Variants in TARBP1 observed in about 807,000 individuals in gnomAD.
TARBP1 encodes tRNA guanosine 2 -O-methyltransferase TARBP1.
In TARBP1, 144 loss-of-function variants were observed where a neutral mutation model predicts 178.6. That is an observed-to-expected ratio of 0.81 (90% CI 0.70 to 0.93). TARBP1 has a LOEUF of 0.93. Ranked by LOEUF, TARBP1 falls within the 40% of genes least tolerant of loss-of-function variation. The pLI, the probability that TARBP1 is intolerant of heterozygous loss-of-function variation, is 0.00. For synonymous variants in TARBP1, 787 were observed against 781.0 expected (o/e 1.01, Z -0.13); for missense variants, 2,067 against 2,011.7 (o/e 1.03, Z -0.53).
At chr1:234,449,263 G>A (rs1305886696) in intron 10 of TARBP1, among the ~76,000 whole-genome samples, 2 of 152,236 alleles carry the variant, frequency 1.3e-5, no homozygotes, top group Non-Finnish European at 2.9e-5. Context: ...GGAAGCCACT[G>A]AAGGTTAAAG....
chr1:234,445,357 C>G (rs144664439), intron 12 of TARBP1, among the ~76,000 whole-genome samples: 2 of 152,320 alleles, frequency 1.3e-5, no homozygotes, highest in African/African-American at 4.8e-5. Context: ...AGACTCATGA[C>G]TTTAAATACC....
chr1:234,465,101 TGGC>T (rs1407196200), intron 5 of TARBP1, among the ~76,000 whole-genome samples: 5 of 149,458 alleles, frequency 3.3e-5, no homozygotes, highest in African/African-American at 1.3e-4. Flanking sequence ...GATGGATGGA[TGGC>T]GGACAGACAG....
intron 6 of TARBP1, among the ~76,000 whole-genome samples, chr1:234,463,061 A>G (rs1668049764): frequency 6.6e-6 from 1 of 152,150 alleles, no homozygotes; most frequent in Admixed American, 6.5e-5. Flanking sequence ...AATGAACACT[A>G]CATCTCCAAC....
At chr1:234,427,827 TA>T in intron 17 of TARBP1, 61 bp from the exon 18 acceptor site, 1 of 1,196,336 alleles carries the variant, frequency 8.4e-7, no homozygotes, top group South Asian at 2.5e-5. Context: ...TCAGTGCTGC[TA>T]AAAACTGTTA....
intron 24 of TARBP1, 55 bp from the exon 25 acceptor site, chr1:234,401,317 G>A (rs1660658126): frequency 7.4e-7 from 1 of 1,359,898 alleles, no homozygotes; most frequent in Admixed American, 1.8e-5. Flanking sequence ...CTCTGGTGAG[G>A]GGAGAATCAA....
In TARBP1 at chr1:234,433,554, A is replaced by G. The variant is rs1664696142; in HGVS notation, c.2250T>C (p.Arg750=). The change falls in exon 14 of 30, where the codon CGT becomes CGC. Residue 750 remains arginine (R), a synonymous_variant. Transcript: ENST00000040877. ...NELNSVSDLD[R]CHLYLMVLTE... is the part of the protein sequence containing the mutation. ...TTAACACCATCAGGTATAAATGGCA[A>G]CGATCCAGATCTGAAACCTAAGACA... The G allele has an allele frequency of 6.2e-7, 1 of 1,612,660 alleles. No individual in the cohort carries two copies. Among genetic ancestry groups the G allele is most frequent in the African/African-American group, 1.3e-5 (1 of 74,814 alleles).
intron 6 of TARBP1, among the ~76,000 whole-genome samples, chr1:234,461,554 A>C (rs1667860925): frequency 6.6e-6 from 1 of 152,072 alleles, no homozygotes; most frequent in South Asian, 2.1e-4. Context: ...TGATCTGCCC[A>C]CCTCAGCCTC....
At chr1:234,462,202 A>G (rs906066291) in intron 6 of TARBP1, among the ~76,000 whole-genome samples, 9 of 152,208 alleles carry the variant, frequency 5.9e-5, no homozygotes, top group African/African-American at 2.2e-4. Flanking sequence ...TCGATTCAAC[A>G]TATTTACCAA....
Position 234,430,301 on chromosome 1 carries a change from C to T in TARBP1, c.2395G>A (p.Glu799Lys), listed in dbSNP as rs765197259. The T allele has an allele frequency of 6.2e-7, 1 of 1,612,842 alleles. No individual in the cohort carries two copies. Among genetic ancestry groups the T allele is most frequent in the Non-Finnish European group, 8.5e-7 (1 of 1,179,696 alleles). The change falls in exon 15 of 30, where the codon GAG becomes AAG. Residue 799 changes from glutamate to lysine, a missense_variant and splice_region_variant. Transcript: ENST00000040877. ...QHLQEMDSGQEPTVGSQIQRV... is the reference protein window; with the variant it reads ...QHLQEMDSGQKPTVGSQIQRV... ...TGAATCTGACTTCCAACTGTTGGCT[C>T]CTGAAAAGGAAATGTGACAATGTTT...
At chr1:234,435,680 T>C (rs1249543641) in intron 13 of TARBP1, among the ~76,000 whole-genome samples, 1 of 152,124 alleles carries the variant, frequency 6.6e-6, no homozygotes, top group Non-Finnish European at 1.5e-5. Context: ...TGAATTCAGG[T>C]GTGGTTGAGC....
At chr1:234,417,727 T>G (rs1223027424) in intron 22 of TARBP1, among the ~76,000 whole-genome samples, 2 of 152,244 alleles carry the variant, frequency 1.3e-5, no homozygotes, top group African/African-American at 2.4e-5. Context: ...AACCTTTTTT[T>G]CAATTTTAAG....
At chr1:234,453,580 C>A (rs894952716) in intron 9 of TARBP1, among the ~76,000 whole-genome samples, 4 of 151,844 alleles carry the variant, frequency 2.6e-5, no homozygotes, top group African/African-American at 9.7e-5. Context: ...TTAGGGTGAG[C>A]TACATGAAAA....
In TARBP1 at chr1:234,478,502, T is replaced by C; in HGVS notation, c.602A>G (p.Gln201Arg). Residue 201 changes from glutamine to arginine, a missense_variant, in exon 1 of 30, where the codon CAA becomes CGA. Physicochemically the swap from Gln to Arg is conservative, Grantham distance 43. Transcript: ENST00000040877. ...GGCCCGCAGCGCCGCCCCGCCACAT[T>C]GGACCAGCACTGGCAGCAGTCGCCC... Reference protein sequence around the residue: ...VAGRLLPVLVQCGGAALRAVW... With the variant: ...VAGRLLPVLVRCGGAALRAVW... The C allele has an allele frequency of 1.4e-6, 2 of 1,393,768 alleles. No individual in the cohort carries two copies. The highest frequency in any genetic ancestry group is 1.9e-6 in the Non-Finnish European group (2 of 1,071,102). 86.3% of individuals were successfully genotyped at this position (1,393,768 alleles called of 1,614,324 possible).
chr1:234,479,119 G>T lies in TARBP1; in HGVS notation c.-16C>A. 1 of 1,520,970 alleles carries T rather than the reference G, an allele frequency of 6.6e-7. No homozygotes were observed. Among genetic ancestry groups the T allele is most frequent in the South Asian group, 1.2e-5 (1 of 82,826 alleles). The allele number at this position is 1,520,970 out of a possible 1,614,324, so 94.2% of individuals were successfully genotyped here. A position where few individuals can be genotyped will look rare whatever the true frequency, so the allele number is the denominator to read the frequency against. ...CCCACTCCATTTGCCGAGCGCCCGCGCCACCGGCCCGGGCTCCCAAAGGAA... is the reference window on the plus strand; with the variant it reads ...CCCACTCCATTTGCCGAGCGCCCGCTCCACCGGCCCGGGCTCCCAAAGGAA... On this transcript the variant is annotated 5_prime_UTR_variant, in exon 1 of 30. Transcript: ENST00000040877.
At position 234,474,288 on chromosome 1, in the gene TARBP1, A is replaced by AC. The variant is rs1558264943; in HGVS notation, c.932-1478_932-1477insG. The stretch of plus-strand genomic sequence containing the variant: ...CACACACACACACACACACACACAC[A>AC]AAGGGGACATTTAAAAAAAAAAACT... On this transcript the variant is annotated intron_variant, in intron 1 of 29. Coordinates refer to ENST00000040877, the MANE Select transcript of TARBP1 (RefSeq NM_005646.4). Among the ~76,000 whole-genome samples, 168 of 143,114 alleles carry AC rather than the reference A, an allele frequency of 1.2e-3. 1 individual carries two copies. The highest frequency in any genetic ancestry group is 7.0e-3 in the Middle Eastern group (2 of 284). 93.9% of individuals were successfully genotyped at this position (143,114 alleles called of 152,430 possible). A position where few individuals can be genotyped will look rare whatever the true frequency, so the allele number is the denominator to read the frequency against.
Position 234,478,948 on chromosome 1 carries a change from C to G in TARBP1, c.156G>C (p.Gly52=). ...CCGCCTCCGGGAGCGCGCCTGCGCCCCCGCTGCCGCGCGCCTCCTCGTCCT... is the reference window on the plus strand; with the variant it reads ...CCGCCTCCGGGAGCGCGCCTGCGCCGCCGCTGCCGCGCGCCTCCTCGTCCT... The part of the protein sequence containing the change: ...RLEDEEARGS[G]GAGALPEAAR... The change falls in exon 1 of 30, where the codon GGG becomes GGC. Residue 52 remains glycine (G), a synonymous_variant. Transcript: ENST00000040877. 6.9e-7 allele frequency: 1 copy of G among 1,453,892 alleles called. No homozygotes were observed. Among genetic ancestry groups the G allele is most frequent in the Non-Finnish European group, 9.0e-7 (1 of 1,112,002 alleles). The allele number at this position is 1,453,892 out of a possible 1,614,324, so 90.1% of individuals were successfully genotyped here. A position where few individuals can be genotyped will look rare whatever the true frequency, so the allele number is the denominator to read the frequency against.
chr1:234,429,804 TCAAA>T (rs1272678515), intron 15 of TARBP1, 127 bp from the exon 16 acceptor site: 1 of 1,104,676 alleles, frequency 9.1e-7, no homozygotes, highest in East Asian at 2.4e-5. Flanking sequence ...ATGGTCATTA[TCAAA>T]CAGCCTATCT....
At chr1:234,454,342 T>A (rs1376326858) in intron 9 of TARBP1, among the ~76,000 whole-genome samples, 1 of 152,244 alleles carries the variant, frequency 6.6e-6, no homozygotes, top group African/African-American at 2.4e-5. Flanking sequence ...TTAGTTTTTT[T>A]AGGTGTGATA....
intron 20 of TARBP1, 35 bp downstream of exon 20, chr1:234,425,637 TA>T: frequency 6.3e-7 from 1 of 1,596,386 alleles, no homozygotes; most frequent in Non-Finnish European, 8.6e-7. Flanking sequence ...CTCTGACTGT[TA>T]AAAACAAAGA....
Sources: gnomAD v4.1 joint callset for allele counts (sites outside exome capture counted in the v4.1 genomes callset) on GRCh38, gnomAD v4.1.1 for gene constraint, MANE v1.5 for transcripts, NCBI Gene and HGNC (gene_info 2026-07-23, HGNC 2026-07-21) for gene names.